Variants in PTPRN2 observed in about 807,000 individuals in gnomAD.
PTPRN2 encodes the protein receptor-type tyrosine-protein phosphatase N2.
PTPRN2 carries 74 observed loss-of-function variants against 118.8 expected under a neutral mutation model. The ratio of observed to expected loss-of-function variants is 0.62; its 90% confidence interval spans 0.52 to 0.76. The LOEUF (loss-of-function observed/expected upper bound fraction) is 0.76. Among genes scored for constraint, PTPRN2 ranks in the 30% least tolerant of loss-of-function variants. The pLI, the probability that PTPRN2 is intolerant of heterozygous loss-of-function variation, is 0.00. For missense variants in PTPRN2, 1,481 were observed against 1,394.4 expected (o/e 1.06, Z -0.99); for synonymous variants, 641 against 608.0 (o/e 1.05, Z -0.80).
In PTPRN2 at chr7:157,790,954, G is replaced by C. The variant is rs780702203; in HGVS notation, c.1788+107719C>G. 1.1e-4 allele frequency among the ~76,000 whole-genome samples: 17 copies of C among 152,186 alleles called. 1 individual carries two copies. In the Middle Eastern group the frequency reaches 0.017, roughly 152 times the overall value. On this transcript the variant is annotated intron_variant, in intron 12 of 22. Transcript: ENST00000389418. The stretch of plus-strand genomic sequence containing the variant: ...ACCATCACATTGGTAAACGTTAAAA[G>C]GTTTAATAACTTTTTTTAATATACT...
At chr7:157,643,080 T>C (rs190754434) in intron 14 of PTPRN2, among the ~76,000 whole-genome samples, 34 of 152,302 alleles carry the variant, frequency 2.2e-4, no homozygotes, top group African/African-American at 7.9e-4. Context: ...GTTGAAAATA[T>C]CATTAAGTCA....
chr7:158,158,144 TC>T (rs988566620), intron 6 of PTPRN2, among the ~76,000 whole-genome samples: 15 of 152,194 alleles, frequency 9.9e-5, no homozygotes, highest in Non-Finnish European at 7.3e-5. Flanking sequence ...ATGAATTTCT[TC>T]AAAAACGAAA....
chr7:157,942,550 C>A (rs555915121), intron 11 of PTPRN2, among the ~76,000 whole-genome samples: 2 of 152,130 alleles, frequency 1.3e-5, no homozygotes, highest in South Asian at 4.2e-4. Flanking sequence ...CAAGCAGGAG[C>A]GATGATCAGA....
At position 158,081,275 on chromosome 7, in the gene PTPRN2, CGT is replaced by C. The variant is rs745942305; in HGVS notation, c.1723+21_1723+22del. ...GTGCACACACGTGTGTGTGCGTGTA[CGT>C]GTGTGTGGAAACAGCCTCACCTGTG... is the stretch of plus-strand genomic sequence containing the variant. On this transcript the variant is annotated intron_variant, in intron 11 of 22. Transcript: ENST00000389418. 3 of 1,599,324 alleles carry C rather than the reference CGT, an allele frequency of 1.9e-6. No individual in the cohort carries two copies. The African/African-American group carries it at 4.0e-5, about 21-fold the overall frequency.
intron 3 of PTPRN2, among the ~76,000 whole-genome samples, chr7:158,300,304 G>A (rs1266220698): frequency 6.6e-6 from 1 of 152,184 alleles, no homozygotes; most frequent in Non-Finnish European, 1.5e-5. Context: ...TAAAGCAAAC[G>A]GCCAAAGGTC....
chr7:157,940,055 T>C (rs1799951666), intron 11 of PTPRN2, among the ~76,000 whole-genome samples: 1 of 152,108 alleles, frequency 6.6e-6, no homozygotes, highest in African/African-American at 2.4e-5. Flanking sequence ...CATGGGCAGT[T>C]GAGAGCAGAG....
At position 157,554,681 on chromosome 7, in the gene PTPRN2, C is replaced by T. The variant is rs184779578; in HGVS notation, c.2903-5662G>A. On this transcript the variant is annotated intron_variant, in intron 21 of 22. Transcript: ENST00000389418. ...AGGCCCAGTGGTGTGACGCTGACAT[C>T]GAAAAGCCTGCAAACAGTCGAGGAG... Among the ~76,000 whole-genome samples, 12 of 152,272 alleles carry T rather than the reference C, an allele frequency of 7.9e-5. No homozygotes were observed. The South Asian group carries it at 1.2e-3, about 16-fold the overall frequency.
chr7:158,464,710 G>A (rs1670366), intron 2 of PTPRN2, among the ~76,000 whole-genome samples: 89,835 of 136,066 alleles, frequency 0.66, 28,108 homozygotes, highest in Admixed American at 0.74. Flanking sequence ...CATCACCACC[G>A]TCATCATCCT....
intron 2 of PTPRN2, among the ~76,000 whole-genome samples, chr7:158,386,332 T>A (rs1286426245): frequency 2.8e-4 from 27 of 96,202 alleles, no homozygotes; most frequent in Non-Finnish European, 1.8e-4. Context: ...GCCGAGTCCC[T>A]CCTTCTGTAC....
At chr7:158,232,213 A>T (rs1449068277) in intron 3 of PTPRN2, among the ~76,000 whole-genome samples, 3 of 152,154 alleles carry the variant, frequency 2.0e-5, no homozygotes, top group African/African-American at 7.2e-5. Flanking sequence ...ACCTTTAGCT[A>T]GACTAAGAAA....
chr7:158,445,952 G>A (rs1456910390), intron 2 of PTPRN2, among the ~76,000 whole-genome samples: 1 of 152,224 alleles, frequency 6.6e-6, no homozygotes, highest in Non-Finnish European at 1.5e-5. Context: ...ACCACCGCAT[G>A]TGAGAAGCCA....
chr7:158,366,127 G>T (rs111465727), intron 2 of PTPRN2, among the ~76,000 whole-genome samples: 1 of 106,546 alleles, frequency 9.4e-6, no homozygotes, highest in African/African-American at 3.6e-5. Context: ...CAATGCACGC[G>T]TGCACATGCA....
chr7:158,107,730 C>G (rs1354681044), intron 10 of PTPRN2, among the ~76,000 whole-genome samples: 1 of 152,168 alleles, frequency 6.6e-6, no homozygotes, highest in African/African-American at 2.4e-5. Context: ...AGTGGCCACC[C>G]ACTGCAGTCA....
chr7:157,880,881 G>C (rs945985272), intron 12 of PTPRN2, among the ~76,000 whole-genome samples: 5 of 152,190 alleles, frequency 3.3e-5, no homozygotes, highest in Non-Finnish European at 7.3e-5. Flanking sequence ...TCTGAAGCTA[G>C]CTTGACCCAA....
intron 11 of PTPRN2, among the ~76,000 whole-genome samples, chr7:157,976,903 C>T (rs915850631): frequency 6.6e-6 from 1 of 151,850 alleles, no homozygotes; most frequent in Admixed American, 6.6e-5. Flanking sequence ...GCTCCCAAAT[C>T]GTCAAAGCCA....
chr7:158,145,636 G>A (rs1473638687), intron 6 of PTPRN2, among the ~76,000 whole-genome samples: 2 of 152,244 alleles, frequency 1.3e-5, no homozygotes, highest in East Asian at 1.9e-4. Context: ...GCGTGGAGCT[G>A]CCAGTACTGA....
intron 9 of PTPRN2, among the ~76,000 whole-genome samples, chr7:158,118,594 CAG>C (rs1198261681): frequency 1.3e-5 from 2 of 152,138 alleles, no homozygotes; most frequent in Admixed American, 1.3e-4. Context: ...AATCAAAAGA[CAG>C]AGATTAGCAA....
chr7:158,326,018 C>A (rs35016950), intron 2 of PTPRN2, among the ~76,000 whole-genome samples: 56,989 of 152,036 alleles, frequency 0.37, 10,923 homozygotes, highest in Middle Eastern at 0.45. Context: ...GAACCCAGAG[C>A]CTAGAAACAG....
chr7:158,152,034 C>T (rs1235274728), intron 6 of PTPRN2, among the ~76,000 whole-genome samples: 3 of 152,060 alleles, frequency 2.0e-5, no homozygotes, highest in East Asian at 1.9e-4. Context: ...ATTAGCCGGG[C>T]GTGGTGGCAG....
Sources: gnomAD v4.1 joint callset for allele counts (sites outside exome capture counted in the v4.1 genomes callset) on GRCh38, gnomAD v4.1.1 for gene constraint, MANE v1.5 for transcripts, NCBI Gene and HGNC (gene_info 2026-07-23, HGNC 2026-07-21) for gene names.